VTI1A: variants seen among roughly 807,000 people sequenced by gnomAD.
VTI1A encodes the protein vesicle transport through interaction with t-SNAREs homolog 1A.
In VTI1A, 22 loss-of-function variants were observed where a neutral mutation model predicts 34.9. The ratio of observed to expected loss-of-function variants is 0.63; its 90% confidence interval spans 0.45 to 0.90. VTI1A has a LOEUF of 0.90. Ranked by LOEUF, VTI1A falls within the 40% of genes least tolerant of loss-of-function variation. The pLI, the probability that VTI1A is intolerant of heterozygous loss-of-function variation, is 0.00. For synonymous variants in VTI1A, 87 were observed against 97.3 expected, an observed-to-expected ratio of 0.89 and a Z score of 0.62; for missense variants, 268 against 275.6, an observed-to-expected ratio of 0.97 and a Z score of 0.20.
chr10:112,813,149 A>G (rs942487410), intron 7 of VTI1A, among the ~76,000 whole-genome samples: 1 of 152,162 alleles, frequency 6.6e-6, no homozygotes, highest in African/African-American at 2.4e-5. Flanking sequence ...GGTGGAGGGG[A>G]AGCCACCAGG....
chr10:112,754,831 A>G (rs1394839484), intron 7 of VTI1A, among the ~76,000 whole-genome samples: 1 of 152,190 alleles, frequency 6.6e-6, no homozygotes, highest in African/African-American at 2.4e-5. Flanking sequence ...AGAGGAAAAG[A>G]ATTAGTACTT....
At chr10:112,500,325 G>C (rs58936340) in intron 3 of VTI1A, among the ~76,000 whole-genome samples, 11,553 of 151,810 alleles carry the variant, frequency 0.076, 661 homozygotes, top group East Asian at 0.29. Flanking sequence ...GTCACAGCAA[G>C]TCGGGAGGCT....
chr10:112,557,149 A>C (rs1851568185), intron 5 of VTI1A, among the ~76,000 whole-genome samples: 1 of 152,112 alleles, frequency 6.6e-6, no homozygotes, highest in Non-Finnish European at 1.5e-5. Flanking sequence ...ATTTTCATAC[A>C]TATTCTTAAT....
At chr10:112,452,566 C>A (rs75831014) in intron 1 of VTI1A, among the ~76,000 whole-genome samples, 486 of 134,598 alleles carry the variant, frequency 3.6e-3, no homozygotes, top group Non-Finnish European at 4.3e-3. Flanking sequence ...GACTCTGTCT[C>A]AAAAAAAAAA....
chr10:112,626,613 GACCAGAAGTGATCTTAAA>G (rs1845933100), intron 5 of VTI1A, among the ~76,000 whole-genome samples: 1 of 151,866 alleles, frequency 6.6e-6, no homozygotes, highest in Non-Finnish European at 1.5e-5. Flanking sequence ...AAGAAATACA[GACCAGAAGTGATCTTAAA>G]ACCAACTCTA....
intron 7 of VTI1A, among the ~76,000 whole-genome samples, chr10:112,705,534 T>A (rs2133908784): frequency 6.6e-6 from 1 of 152,148 alleles, no homozygotes; most frequent in South Asian, 2.1e-4. Flanking sequence ...CACACACACA[T>A]TTCTGGGAAG....
At chr10:112,520,314 C>T (rs1229415144) in intron 3 of VTI1A, among the ~76,000 whole-genome samples, 2 of 151,900 alleles carry the variant, frequency 1.3e-5, no homozygotes, top group African/African-American at 2.4e-5. Context: ...ACAGCCACAC[C>T]GTATTCAATA....
intron 5 of VTI1A, among the ~76,000 whole-genome samples, chr10:112,596,951 A>C (rs1454748593): frequency 1.3e-5 from 2 of 152,170 alleles, no homozygotes. Flanking sequence ...TGATACAGTC[A>C]AATCTTTCTT....
chr10:112,643,040 T>C (rs1846637737), intron 5 of VTI1A, among the ~76,000 whole-genome samples: 1 of 148,818 alleles, frequency 6.7e-6, no homozygotes, highest in Non-Finnish European at 1.5e-5. Context: ...GCTGGAGTGC[T>C]GTAGCACAAT....
intron 7 of VTI1A, among the ~76,000 whole-genome samples, chr10:112,723,451 T>G (rs1035689514): frequency 2.6e-5 from 4 of 152,192 alleles, no homozygotes; most frequent in African/African-American, 9.6e-5. Context: ...GAGCACTTGA[T>G]TCTACATTAA....
At chr10:112,505,506 T>C (rs927694206) in intron 3 of VTI1A, among the ~76,000 whole-genome samples, 1 of 152,204 alleles carries the variant, frequency 6.6e-6, no homozygotes, top group African/African-American at 2.4e-5. Flanking sequence ...TGCTAGTATT[T>C]CTAGTAAAAT....
chr10:112,758,798 C>T (rs773897152), intron 7 of VTI1A, among the ~76,000 whole-genome samples: 3 of 152,240 alleles, frequency 2.0e-5, no homozygotes, highest in Admixed American at 6.5e-5. Flanking sequence ...ATGCCCCATT[C>T]TCAATGCATG....
intron 5 of VTI1A, among the ~76,000 whole-genome samples, chr10:112,544,685 C>T (rs562941567): frequency 6.6e-6 from 1 of 151,948 alleles, no homozygotes; most frequent in Non-Finnish European, 1.5e-5. Flanking sequence ...GGAAGGATCT[C>T]CCAGGGAAGA....
chr10:112,599,875 A>G (rs937599381), intron 5 of VTI1A, among the ~76,000 whole-genome samples: 6 of 152,202 alleles, frequency 3.9e-5, no homozygotes, highest in African/African-American at 1.4e-4. Context: ...CACAGTGCCC[A>G]GCCCACTGGA....
intron 5 of VTI1A, among the ~76,000 whole-genome samples, chr10:112,604,720 T>G (rs967896305): frequency 7.9e-5 from 12 of 152,216 alleles, no homozygotes; most frequent in African/African-American, 2.9e-4. Flanking sequence ...TATGTGTAAG[T>G]TAAAAGCCAG....
intron 5 of VTI1A, among the ~76,000 whole-genome samples, chr10:112,664,195 A>G (rs1847561875): frequency 1.3e-5 from 2 of 152,342 alleles, no homozygotes; most frequent in South Asian, 4.1e-4. Flanking sequence ...TCTTCTGGAG[A>G]GTGTCCTGCA....
At chr10:112,848,187 T>C in the VTI1A span, among the ~76,000 whole-genome samples, 2 of 152,210 alleles carry the variant, frequency 1.3e-5, no homozygotes, top group Non-Finnish European at 2.9e-5. Context: ...AATCCCCTCC[T>C]TGTCAGTTGC....
chr10:112,678,470 G>C (rs1051236621), intron 7 of VTI1A, among the ~76,000 whole-genome samples: 1 of 152,108 alleles, frequency 6.6e-6, no homozygotes, highest in Non-Finnish European at 1.5e-5. Flanking sequence ...TTACACCACT[G>C]TCTGCTCCAT....
chr10:112,571,430 C>T (rs937167063), intron 5 of VTI1A, among the ~76,000 whole-genome samples: 2 of 152,152 alleles, frequency 1.3e-5, no homozygotes, highest in African/African-American at 2.4e-5. Flanking sequence ...GCAGTTGACA[C>T]AATGAGATGC....
Sources: gnomAD v4.1 joint callset for allele counts (sites outside exome capture counted in the v4.1 genomes callset) on GRCh38, gnomAD v4.1.1 for gene constraint, MANE v1.5 for transcripts, NCBI Gene and HGNC (gene_info 2026-07-23, HGNC 2026-07-21) for gene names.